Variants in RPS6KC1 observed in about 807,000 individuals in gnomAD.
RPS6KC1 encodes the protein inactive ribosomal protein S6 kinase delta-1.
In RPS6KC1, 54 loss-of-function variants were observed where a neutral mutation model predicts 103.8. That is an observed-to-expected ratio of 0.52 (90% CI 0.42 to 0.65). The LOEUF (loss-of-function observed/expected upper bound fraction) is 0.65, where lower values mean the gene tolerates loss of function less well. Ranked by LOEUF, RPS6KC1 falls within the 30% of genes least tolerant of loss-of-function variation. The probability of loss-of-function intolerance (pLI) is 0.00; values close to 1 mark genes in which losing one functional copy is unlikely to be tolerated. For missense variants in RPS6KC1, 1,151 were observed against 1,253.8 expected (o/e 0.92, Z 1.24); for synonymous variants, 439 against 438.7 (o/e 1.00, Z -0.01).
chr1:213,579,707 C>T, the RPS6KC1 span, among the ~76,000 whole-genome samples: 4 of 152,028 alleles, frequency 2.6e-5, no homozygotes, highest in Admixed American at 6.5e-5. Flanking sequence ...GGAACTGATG[C>T]TCATTTACCA....
chr1:213,370,248 A>ATTTATTTTATTTTATTTTAT, the RPS6KC1 span, among the ~76,000 whole-genome samples: 1,605 of 142,134 alleles, frequency 0.011, 38 homozygotes, highest in African/African-American at 0.036. Flanking sequence ...ATTTTATTTT[A>ATTTATTTTATTTTATTTTAT]TTTATTTTAT....
the RPS6KC1 span, among the ~76,000 whole-genome samples, chr1:213,650,391 T>C: frequency 1.3e-5 from 2 of 152,190 alleles, no homozygotes; most frequent in African/African-American, 4.8e-5. Flanking sequence ...CTTAGTGAGA[T>C]ATTAGCCTTC....
intron 8 of RPS6KC1, among the ~76,000 whole-genome samples, chr1:213,177,090 C>G (rs2091923986): frequency 6.6e-6 from 1 of 152,154 alleles, no homozygotes; most frequent in South Asian, 2.1e-4. Context: ...ACTAACCCCT[C>G]ACTTCACACC....
chr1:213,218,584 C>G (rs1231933875), intron 8 of RPS6KC1, among the ~76,000 whole-genome samples: 2 of 152,176 alleles, frequency 1.3e-5, no homozygotes, highest in Non-Finnish European at 2.9e-5. Context: ...GCCAAAAGAA[C>G]AAAGCTGGAG....
rs374522147 is a variant in RPS6KC1 at position 213,212,773 on chromosome 1, A to G, written c.1045-17724A>G. ...AGGTGTCAGTGTTCGGGATTTTGGC[A>G]ATTCTAGTAGGTATGTAGTGATATC... is the stretch of plus-strand genomic sequence containing the variant. On this transcript the variant is annotated intron_variant, in intron 8 of 14. Transcript: ENST00000366960. Among the ~76,000 whole-genome samples, 8 of 152,284 alleles carry G rather than the reference A, an allele frequency of 5.3e-5. No individual in the cohort carries two copies. The East Asian group carries it at 1.2e-3, about 22-fold the overall frequency.
the RPS6KC1 span, among the ~76,000 whole-genome samples, chr1:213,325,710 C>T: frequency 6.6e-6 from 1 of 152,206 alleles, no homozygotes; most frequent in African/African-American, 2.4e-5. Context: ...CAGGTCCCCT[C>T]CCTATTGGAA....
chr1:213,349,577 C>G, the RPS6KC1 span, among the ~76,000 whole-genome samples: 3 of 152,170 alleles, frequency 2.0e-5, no homozygotes, highest in Admixed American at 2.0e-4. Flanking sequence ...TCATCAGACA[C>G]TTAGGAGGAT....
the RPS6KC1 span, among the ~76,000 whole-genome samples, chr1:213,373,903 C>G: frequency 1.3e-5 from 2 of 152,078 alleles, no homozygotes; most frequent in African/African-American, 4.8e-5. Context: ...CCACCGAAAC[C>G]AGAAGCTTCC....
intron 8 of RPS6KC1, among the ~76,000 whole-genome samples, chr1:213,189,040 A>G (rs1023185174): frequency 6.6e-6 from 1 of 152,220 alleles, no homozygotes; most frequent in Admixed American, 6.5e-5. Context: ...AAATGTAGAC[A>G]TAGTCCCACA....
the RPS6KC1 span, among the ~76,000 whole-genome samples, chr1:213,672,654 A>G: frequency 3.3e-5 from 5 of 152,180 alleles, no homozygotes; most frequent in African/African-American, 1.2e-4. Context: ...CTCTTTTATC[A>G]TCTAGCCTTA....
chr1:213,370,611 A>T, the RPS6KC1 span, among the ~76,000 whole-genome samples: 1 of 152,196 alleles, frequency 6.6e-6, no homozygotes, highest in East Asian at 1.9e-4. Flanking sequence ...GCTCTTACTG[A>T]GCCAGAGCCC....
chr1:213,456,123 A>G, the RPS6KC1 span, among the ~76,000 whole-genome samples: 14 of 152,278 alleles, frequency 9.2e-5, no homozygotes, highest in Non-Finnish European at 2.1e-4. Context: ...CCTCATTCCT[A>G]TCGGCACATG....
chr1:213,745,704 G>C, the RPS6KC1 span, among the ~76,000 whole-genome samples: 1 of 152,082 alleles, frequency 6.6e-6, no homozygotes, highest in Non-Finnish European at 1.5e-5. Context: ...ATGAGGGAAG[G>C]ATCCCAACAC....
the RPS6KC1 span, among the ~76,000 whole-genome samples, chr1:213,371,531 G>A: frequency 1.3e-5 from 2 of 152,164 alleles, no homozygotes; most frequent in African/African-American, 2.4e-5. Flanking sequence ...GTTTTCCATA[G>A]TGGCTGAGCC....
chr1:213,131,533 T>C (rs746814415), intron 6 of RPS6KC1, among the ~76,000 whole-genome samples: 9 of 152,238 alleles, frequency 5.9e-5, no homozygotes, highest in Non-Finnish European at 1.0e-4. Context: ...AACCTTTGCC[T>C]CCGGGGTTCA....
chr1:213,608,499 G>A, the RPS6KC1 span, among the ~76,000 whole-genome samples: 2 of 152,202 alleles, frequency 1.3e-5, no homozygotes, highest in Non-Finnish European at 2.9e-5. Context: ...CAAAAGTCTG[G>A]AGGGTCGTGT....
At chr1:213,736,807 G>T in the RPS6KC1 span, among the ~76,000 whole-genome samples, 85 of 152,272 alleles carry the variant, frequency 5.6e-4, no homozygotes, top group African/African-American at 1.6e-3. Flanking sequence ...GCAACTCCTT[G>T]GTCCCAGGCA....
the RPS6KC1 span, among the ~76,000 whole-genome samples, chr1:213,860,198 A>T: frequency 1.3e-5 from 2 of 151,174 alleles, no homozygotes; most frequent in African/African-American, 2.4e-5. Context: ...AAATATCAAG[A>T]GTAGGCTTAT....
chr1:213,308,692 A>G, the RPS6KC1 span, among the ~76,000 whole-genome samples: 1 of 152,192 alleles, frequency 6.6e-6, no homozygotes, highest in Non-Finnish European at 1.5e-5. Flanking sequence ...AGGAAAAGTC[A>G]TTCTAACAAG....
Sources: allele counts gnomAD v4.1 joint callset (sites outside exome capture counted in the v4.1 genomes callset), GRCh38; gene constraint gnomAD v4.1.1; transcripts MANE v1.5; gene names NCBI Gene and HGNC (gene_info 2026-07-23, HGNC 2026-07-21).